Variants in DNAH2 observed in about 807,000 individuals in gnomAD.
The protein encoded by DNAH2 is dynein axonemal heavy chain 2.
Under a neutral mutation model 523.5 loss-of-function variants are expected in DNAH2, and 323 were observed. That is an observed-to-expected ratio of 0.62 (90% CI 0.56 to 0.68). The LOEUF (loss-of-function observed/expected upper bound fraction) is 0.68. Ranked by LOEUF, DNAH2 falls within the 30% of genes least tolerant of loss-of-function variation. The probability of loss-of-function intolerance (pLI) is 0.00; values close to 1 mark genes in which losing one functional copy is unlikely to be tolerated. For missense variants in DNAH2, 4,907 were observed against 5,701.5 expected, an observed-to-expected ratio of 0.86 and a Z score of 4.49; for synonymous variants, 2,093 against 2,177.4, an observed-to-expected ratio of 0.96 and a Z score of 1.08.
At position 7,763,959 on chromosome 17, in the gene DNAH2, C is replaced by A. The variant is rs200259470; in HGVS notation, c.3107C>A (p.Ala1036Glu). Residue 1036 changes from alanine to glutamate, a missense_variant, in exon 19 of 86, where the codon GCG becomes GAG. Physicochemically the swap from Ala to Glu is moderately radical, Grantham distance 107 (BLOSUM62 -1). Around this residue, in one of 3 missense-constraint regions of DNAH2, gnomAD observed 2,806 missense variants for 3,190.8 expected, o/e 0.88. Transcript: ENST00000572933. ...TGCAATGAATGGCAGAACAAGTTCG[C>A]GACTCTGCTCAGGGAGATGGCTGCT... The part of the protein sequence containing the change: ...QHCNEWQNKF[A>E]TLLREMAAGR... 6.2e-7 allele frequency: 1 copy of A among 1,614,202 alleles called. No homozygotes were observed. The highest frequency in any genetic ancestry group is 1.3e-5 in the African/African-American group (1 of 75,046).
chr17:7,719,697 C>G, intron 1 of DNAH2, 24 bp from the exon 2 acceptor site: 1 of 1,613,984 alleles, frequency 6.2e-7, no homozygotes, highest in Non-Finnish European at 8.5e-7. Flanking sequence ...TGCTTGTAGA[C>G]TCTCCACTCC....
intron 35 of DNAH2, among the ~76,000 whole-genome samples, chr17:7,778,758 G>A (rs1017409878): frequency 4.0e-5 from 6 of 151,884 alleles, no homozygotes; most frequent in Non-Finnish European, 7.4e-5. Flanking sequence ...TAGTGGAGAC[G>A]GGGTTTCACC....
At chr17:7,730,584 C>T (rs967476912) in intron 4 of DNAH2, among the ~76,000 whole-genome samples, 3 of 152,130 alleles carry the variant, frequency 2.0e-5, no homozygotes, top group South Asian at 2.1e-4. Flanking sequence ...ATCCCCTATG[C>T]GGTAATCCTG....
chr17:7,817,843 T>C lies in DNAH2; in HGVS notation c.10223T>C (p.Met3408Thr), dbSNP rs373081915. 3.1e-6 allele frequency: 5 copies of C among 1,613,742 alleles called. No homozygotes were observed. Among genetic ancestry groups the C allele is most frequent in the East Asian group, 2.2e-5 (1 of 44,850 alleles). ...QAQALKWIKN[M>T]EGGQGLKIID... ...CAGGCCCTGAAATGGATTAAGAACA[T>C]GGAAGGAGGCCAGGTGTGAGGCTGG... The change falls in exon 67 of 86, where the codon ATG (methionine) becomes ACG (threonine). Residue 3408 changes from methionine (M) to threonine (T), a missense_variant. Physicochemically the swap from Met to Thr is moderately conservative, Grantham distance 81 (BLOSUM62 -1). This residue lies in a region of DNAH2 where 1,851 missense variants were observed against 2,139.4 expected (regional missense o/e 0.87). Coordinates refer to ENST00000572933, the MANE Select transcript of DNAH2 (RefSeq NM_020877.5).
chr17:7,803,614 G>A (rs938939723), intron 58 of DNAH2, among the ~76,000 whole-genome samples: 3 of 152,022 alleles, frequency 2.0e-5, no homozygotes, highest in Non-Finnish European at 4.4e-5. Flanking sequence ...AGGTTGCAGT[G>A]AGCTGAGATT....
At position 7,807,353 on chromosome 17, in the gene DNAH2, G is replaced by C. The variant is rs1413954608; in HGVS notation, c.9612+34G>C. On this transcript the variant is annotated intron_variant, in intron 62 of 85. Transcript: ENST00000572933. This position sits in a 1 kb window ranked among gnomAD's most constrained non-coding sequence, Gnocchi z 5.6. Reference sequence around the variant, plus strand: ...GTCAGGGCTGGGGCGGGGCGGTAGGGAGGGCAGGCCTGGGGGAGTGCGGAT... The same window carrying C: ...GTCAGGGCTGGGGCGGGGCGGTAGGCAGGGCAGGCCTGGGGGAGTGCGGAT... The C allele has an allele frequency of 6.2e-7, 1 of 1,605,452 alleles. No homozygotes were observed. Among genetic ancestry groups the C allele is most frequent in the Admixed American group, 1.7e-5 (1 of 59,780 alleles).
Position 7,824,754 on chromosome 17 carries a change from A to G in DNAH2, c.11853+27A>G, listed in dbSNP as rs1405207763. 2.7e-6 allele frequency: 4 copies of G among 1,470,290 alleles called. No individual in the cohort carries two copies. In the Admixed American group the frequency reaches 6.2e-5, roughly 23 times the overall value. The allele number at this position is 1,470,290 out of a possible 1,614,324, so 91.1% of individuals were successfully genotyped here. A position where few individuals can be genotyped will look rare whatever the true frequency, so the allele number is the denominator to read the frequency against. On this transcript the variant is annotated intron_variant, in intron 77 of 85. Transcript: ENST00000572933. ...TATGTGGCCATAGAGAACCAGCATCATCAGGGCCATCTGGTCCACCTTACC... is the reference window on the plus strand; with the variant it reads ...TATGTGGCCATAGAGAACCAGCATCGTCAGGGCCATCTGGTCCACCTTACC...
chr17:7,758,579 C>T lies in DNAH2; in HGVS notation c.2136C>T (p.Leu712=), dbSNP rs1030952717. ...TGGATAAGAAGATCCACCCGGGACT[C>T]AAGAAACTGCACTGGGCCTTGAAGG... ...RLLDKKIHPG[L]KKLHWALKGA... is the part of the protein sequence containing the mutation. The change falls in exon 14 of 86, where the codon CTC becomes CTT. Residue 712 remains leucine, a synonymous_variant. Coordinates refer to ENST00000572933, the MANE Select transcript of DNAH2 (RefSeq NM_020877.5). 1.9e-6 allele frequency: 3 copies of T among 1,614,150 alleles called. No individual in the cohort carries two copies. The highest frequency in any genetic ancestry group is 1.7e-6 in the Non-Finnish European group (2 of 1,180,032).
Position 7,743,161 on chromosome 17 carries a change from C to T in DNAH2, c.1904+19C>T, listed in dbSNP as rs539290727. 2.4e-5 allele frequency: 38 copies of T among 1,609,514 alleles called. No homozygotes were observed. Among genetic ancestry groups the T allele is most frequent in the Non-Finnish European group, 3.1e-5 (36 of 1,178,566 alleles). On this transcript the variant is annotated intron_variant, in intron 12 of 85. Transcript: ENST00000572933. ...TTGACAAGTACAGGAGCCACCTGGC[C>T]CCTTTTCCCTATACTCCCCTTCTGC...
Position 7,817,279 on chromosome 17 carries a change from C to T in DNAH2, c.9895-11C>T. 1 of 1,586,306 alleles carries T rather than the reference C, an allele frequency of 6.3e-7. No homozygotes were observed. The highest frequency in any genetic ancestry group is 8.5e-7 in the Non-Finnish European group (1 of 1,172,738). ...GGCCCAGGCAGGCTTACCCTCCCTC[C>T]TGTCCGCCAGGGCCTGGAGGAGGAC... is the stretch of plus-strand genomic sequence containing the variant. On this transcript the variant is annotated splice_polypyrimidine_tract_variant and intron_variant, in intron 64 of 85. Transcript: ENST00000572933.
intron 7 of DNAH2, 35 bp from the exon 8 acceptor site, chr17:7,737,032 G>T: frequency 6.4e-7 from 1 of 1,572,912 alleles, no homozygotes; most frequent in Non-Finnish European, 8.7e-7. Flanking sequence ...GCTTTCTAGT[G>T]CATAAATCTA....
chr17:7,814,792 G>C (rs2077613915), intron 63 of DNAH2, among the ~76,000 whole-genome samples: 1 of 152,212 alleles, frequency 6.6e-6, no homozygotes, highest in East Asian at 1.9e-4. Context: ...AGAGGTTGCG[G>C]TGAGGTGAGA....
At chr17:7,764,070 A>G (rs1287179409) in intron 19 of DNAH2, 39 bp downstream of exon 19, 1 of 1,614,184 alleles carries the variant, frequency 6.2e-7, no homozygotes. Context: ...GGGCAGGGGC[A>G]GGCACTGGGC....
In DNAH2 at chr17:7,786,547, AC is replaced by A; in HGVS notation, c.6349-19del. 6.2e-7 allele frequency: 1 copy of A among 1,606,104 alleles called. No homozygotes were observed. The highest frequency in any genetic ancestry group is 8.5e-7 in the Non-Finnish European group (1 of 1,174,246). ...GGGTTTTTGTCCATCAGCAGCTAAA[AC>A]CCCTTCCGGTGTCATTTTCAGGAGT... On this transcript the variant is annotated intron_variant, in intron 40 of 85. Coordinates refer to ENST00000572933, the MANE Select transcript of DNAH2 (RefSeq NM_020877.5). This position sits in a 1 kb window ranked among gnomAD's most constrained non-coding sequence, Gnocchi z 7.5.
chr17:7,830,390 C>T lies in DNAH2; in HGVS notation c.11944C>T (p.Leu3982=). ...CAAACCTGCCAAATATAAGAAGCTG[C>T]TGTTTTCACTCTGTTTCTTCCACTC... The part of the protein sequence containing the change: ...CSKPAKYKKL[L]FSLCFFHSVL... The change falls in exon 78 of 86, where the codon CTG becomes TTG. Residue 3982 remains leucine, a synonymous_variant. Coordinates refer to ENST00000572933, the MANE Select transcript of DNAH2 (RefSeq NM_020877.5). The T allele has an allele frequency of 6.2e-7, 1 of 1,614,236 alleles. No homozygotes were observed. The highest frequency in any genetic ancestry group is 8.5e-7 in the Non-Finnish European group (1 of 1,180,042).
chr17:7,787,790 G>A (rs1197019604), intron 42 of DNAH2, 70 bp from the exon 43 acceptor site: 4 of 1,498,668 alleles, frequency 2.7e-6, no homozygotes, highest in South Asian at 1.3e-5. Flanking sequence ...TCCGAGTTCC[G>A]GGTGTTTTAT....
rs1277078707 is a variant in DNAH2 at position 7,758,663 on chromosome 17, T to G, written c.2208+12T>G. 1.1e-5 allele frequency: 17 copies of G among 1,608,048 alleles called. No homozygotes were observed. The highest frequency in any genetic ancestry group is 1.4e-5 in the Non-Finnish European group (17 of 1,177,470). On this transcript the variant is annotated intron_variant, in intron 14 of 85. Coordinates refer to ENST00000572933, the MANE Select transcript of DNAH2 (RefSeq NM_020877.5). ...TACATGCCAGCAAGGTGGGCCATGG[T>G]CCTTAGACCCTAAAGGTCTGCAAGG...
intron 77 of DNAH2, among the ~76,000 whole-genome samples, chr17:7,826,349 A>G (rs1017997131): frequency 1.3e-5 from 2 of 152,106 alleles, no homozygotes. Flanking sequence ...TTCAAATAAG[A>G]AAGTCCCTGT....
At chr17:7,748,563 T>C (rs1184144251) in intron 12 of DNAH2, among the ~76,000 whole-genome samples, 2 of 152,226 alleles carry the variant, frequency 1.3e-5, no homozygotes, top group Non-Finnish European at 2.9e-5. Flanking sequence ...TGGTGCAATC[T>C]TGGCTCACTG....
Sources: allele counts gnomAD v4.1 joint callset (sites outside exome capture counted in the v4.1 genomes callset), GRCh38; gene constraint gnomAD v4.1.1; regional missense constraint gnomAD v4.1.1; non-coding constraint Gnocchi (gnomAD v3.1); transcripts MANE v1.5; gene names NCBI Gene and HGNC (gene_info 2026-07-23, HGNC 2026-07-21).